ADAMTSL1: variants seen among roughly 807,000 people sequenced by gnomAD.
ADAMTSL1 encodes the protein ADAMTS-like protein 1.
A neutral mutation model predicts 201.8 loss-of-function variants in ADAMTSL1; 126 were observed. That is an observed-to-expected ratio of 0.62 (90% CI 0.54 to 0.72). The LOEUF (loss-of-function observed/expected upper bound fraction) is 0.72, where lower values mean the gene tolerates loss of function less well. Among genes scored for constraint, ADAMTSL1 ranks in the 30% least tolerant of loss-of-function variants. ADAMTSL1 has a pLI of 0.00. For missense variants in ADAMTSL1, 2,679 were observed against 2,277.8 expected, an observed-to-expected ratio of 1.18 and a Z score of -3.59; for synonymous variants, 1,121 against 903.4, an observed-to-expected ratio of 1.24 and a Z score of -4.32.
At chr9:18,406,455 C>T (rs1442604712) in intron 2 of ADAMTSL1, among the ~76,000 whole-genome samples, 4 of 151,868 alleles carry the variant, frequency 2.6e-5, no homozygotes, top group South Asian at 2.1e-4. Context: ...CAGCCTCCCA[C>T]GTAGCTGGGA....
chr9:17,938,380 G>C (rs141318827), intron 1 of ADAMTSL1, among the ~76,000 whole-genome samples: 50 of 152,218 alleles, frequency 3.3e-4, no homozygotes, highest in African/African-American at 1.1e-3. Context: ...CAGTCTTTGT[G>C]TGTGAAAGTG....
chr9:17,983,068 C>CTTTTT (rs1334217552), intron 1 of ADAMTSL1, among the ~76,000 whole-genome samples: 22 of 97,460 alleles, frequency 2.3e-4, no homozygotes, highest in African/African-American at 6.4e-4. Flanking sequence ...TTCTTTCTTT[C>CTTTTT]TTTCTTTCTT....
chr9:18,805,173 C>A (rs973976508), intron 20 of ADAMTSL1, among the ~76,000 whole-genome samples: 1 of 152,194 alleles, frequency 6.6e-6, no homozygotes, highest in African/African-American at 2.4e-5. Context: ...TTTTTGGAAT[C>A]TTCAACAAGG....
intron 21 of ADAMTSL1, among the ~76,000 whole-genome samples, chr9:18,824,687 AC>A (rs1237522188): frequency 2.2e-5 from 2 of 90,532 alleles, no homozygotes; most frequent in African/African-American, 8.5e-5. Context: ...CCGGGACTTG[AC>A]CCTTTTTTTT....
chr9:18,119,903 C>A lies in ADAMTSL1; in HGVS notation c.88-43959C>A, dbSNP rs571388621. 1.9e-4 allele frequency among the ~76,000 whole-genome samples: 29 copies of A among 152,250 alleles called. 1 individual carries two copies. The Middle Eastern group carries it at 0.01, about 54-fold the overall frequency. ...TTTAACTTTGGGAGATCAAAATATTCTACTAGAAAAATCTCATGAGCTCTA... is the reference window on the plus strand; with the variant it reads ...TTTAACTTTGGGAGATCAAAATATTATACTAGAAAAATCTCATGAGCTCTA... On this transcript the variant is annotated intron_variant, in intron 1 of 29. Coordinates refer to the ADAMTSL1 transcript ENST00000680146.
chr9:18,770,812 A>C (rs1340665362), intron 17 of ADAMTSL1, 31 bp downstream of exon 17: 1 of 1,599,016 alleles, frequency 6.3e-7, no homozygotes, highest in East Asian at 2.2e-5. Context: ...AGAATGAAAG[A>C]GATCCAAGTA....
At chr9:18,906,544 C>T (rs1047255018) in intron 27 of ADAMTSL1, 148 bp from the exon 28 acceptor site, 11 of 660,718 alleles carry the variant, frequency 1.7e-5, no homozygotes, top group African/African-American at 9.1e-5. Context: ...CTTTTAGTAA[C>T]AGCACAGAAA....
chr9:18,866,491 A>G (rs1332472416), intron 23 of ADAMTSL1, among the ~76,000 whole-genome samples: 1 of 152,218 alleles, frequency 6.6e-6, no homozygotes, highest in Non-Finnish European at 1.5e-5. Context: ...AATTTTGTTC[A>G]TTTACTTTGG....
chr9:18,847,769 C>T lies in ADAMTSL1; in HGVS notation c.4249+17792C>T, dbSNP rs1826225934. ...GGAACAACAAAAAGGCCAGTGTGGCCACAATGAGGTAACAGAGGGAGTACA... is the reference window on the plus strand; with the variant it reads ...GGAACAACAAAAAGGCCAGTGTGGCTACAATGAGGTAACAGAGGGAGTACA... On this transcript the variant is annotated intron_variant, in intron 23 of 28. Transcript: ENST00000380548. Among the ~76,000 whole-genome samples, 2 of 152,132 alleles carry T rather than the reference C, an allele frequency of 1.3e-5. 1 individual carries two copies. The highest frequency in any genetic ancestry group is 4.1e-4 in the South Asian group (2 of 4,822).
chr9:18,580,546 G>A (rs1440565100), intron 4 of ADAMTSL1, among the ~76,000 whole-genome samples: 1 of 152,042 alleles, frequency 6.6e-6, no homozygotes, highest in Non-Finnish European at 1.5e-5. Flanking sequence ...TCTTTTCATA[G>A]CATAGTAAAG....
intron 1 of ADAMTSL1, among the ~76,000 whole-genome samples, chr9:18,002,271 C>T (rs1819643553): frequency 6.6e-6 from 1 of 151,926 alleles, no homozygotes; most frequent in Admixed American, 6.6e-5. Flanking sequence ...CATTTTTTCA[C>T]AGAAATAGAA....
chr9:18,649,100 T>A (rs982028251), intron 7 of ADAMTSL1, among the ~76,000 whole-genome samples: 1 of 152,230 alleles, frequency 6.6e-6, no homozygotes, highest in African/African-American at 2.4e-5. Flanking sequence ...TTTATTCTTT[T>A]TTCTCTAAAC....
chr9:18,485,223 C>T (rs186436387), intron 1 of ADAMTSL1, among the ~76,000 whole-genome samples: 3 of 152,184 alleles, frequency 2.0e-5, no homozygotes, highest in Admixed American at 6.5e-5. Flanking sequence ...TCTCAACTCT[C>T]CGGTTTTCTT....
intron 16 of ADAMTSL1, among the ~76,000 whole-genome samples, chr9:18,756,447 T>C (rs1404993143): frequency 2.6e-5 from 4 of 152,030 alleles, no homozygotes; most frequent in Non-Finnish European, 5.9e-5. Context: ...GAAGAAACCA[T>C]TGTTTATATT....
At chr9:17,919,240 T>A (rs1214382149) in intron 1 of ADAMTSL1, among the ~76,000 whole-genome samples, 1 of 151,878 alleles carries the variant, frequency 6.6e-6, no homozygotes, top group Non-Finnish European at 1.5e-5. Flanking sequence ...TATTATTATT[T>A]TTTCTAGTAC....
intron 23 of ADAMTSL1, among the ~76,000 whole-genome samples, chr9:18,836,625 T>A (rs1563842669): frequency 6.6e-6 from 1 of 152,202 alleles, no homozygotes. Flanking sequence ...TTTTTTCTAA[T>A]TCTGTGAAAA....
chr9:18,883,739 A>G (rs1828685914), intron 23 of ADAMTSL1, among the ~76,000 whole-genome samples: 1 of 152,222 alleles, frequency 6.6e-6, no homozygotes, highest in African/African-American at 2.4e-5. Context: ...GTTGTAGCAT[A>G]TGTCAGAATG....
intron 1 of ADAMTSL1, among the ~76,000 whole-genome samples, chr9:18,025,040 AT>A (rs1476688684): frequency 6.6e-6 from 1 of 151,648 alleles, no homozygotes; most frequent in Admixed American, 6.6e-5. Flanking sequence ...ATTTTTTCAT[AT>A]TTTTTTGGCC....
At chr9:18,248,901 A>G (rs1423764372) in intron 2 of ADAMTSL1, among the ~76,000 whole-genome samples, 25 of 152,230 alleles carry the variant, frequency 1.6e-4, no homozygotes, top group Admixed American at 1.6e-3. Context: ...TGAGTTGAGC[A>G]AAGAAAACAA....
Sources: allele counts gnomAD v4.1 joint callset (sites outside exome capture counted in the v4.1 genomes callset), GRCh38; gene constraint gnomAD v4.1.1; transcripts MANE v1.5; gene names NCBI Gene and HGNC (gene_info 2026-07-23, HGNC 2026-07-21).